Variants in VGLL4 observed in about 807,000 individuals in gnomAD.
VGLL4 encodes the protein vestigial like family member 4.
In VGLL4, 7 loss-of-function variants were observed where a neutral mutation model predicts 21.0. That is an observed-to-expected ratio of 0.33 (90% CI 0.19 to 0.63). The LOEUF (loss-of-function observed/expected upper bound fraction) is 0.63, where lower values mean the gene tolerates loss of function less well. VGLL4 is among the 20% of genes least tolerant of loss of function. VGLL4 has a pLI of 0.78. For synonymous variants in VGLL4, 222 were observed against 173.2 expected, an observed-to-expected ratio of 1.28 and a Z score of -2.21; for missense variants, 394 against 425.7, an observed-to-expected ratio of 0.93 and a Z score of 0.66.
At chr3:11,650,718 A>AAC (rs10539636) in intron 2 of VGLL4, among the ~76,000 whole-genome samples, 6,397 of 147,592 alleles carry the variant, frequency 0.043, 154 homozygotes, top group Non-Finnish European at 0.054. Flanking sequence ...ACACATAGAA[A>AAC]ACACACACAC....
intron 1 of VGLL4, among the ~76,000 whole-genome samples, chr3:11,627,111 C>T (rs2075364245): frequency 6.6e-6 from 1 of 151,012 alleles, no homozygotes; most frequent in South Asian, 2.1e-4. Flanking sequence ...GTGGAACTGG[C>T]TTCAGAATGA....
intron 1 of VGLL4, chr3:11,610,175 C>T (rs967858045): frequency 2.6e-5 from 4 of 152,324 alleles, no homozygotes; most frequent in African/African-American, 9.7e-5. Context: ...GGACCCTGCT[C>T]CCAGATTCCA....
chr3:11,626,639 A>T (rs971311974), intron 1 of VGLL4: 1 of 260,020 alleles, frequency 3.8e-6, no homozygotes, highest in African/African-American at 2.2e-5. Context: ...CATTCTACAG[A>T]AAGCCACTTA....
intron 2 of VGLL4, among the ~76,000 whole-genome samples, chr3:11,570,972 T>C (rs1299944075): frequency 6.6e-6 from 1 of 152,176 alleles, no homozygotes; most frequent in African/African-American, 2.4e-5. Flanking sequence ...GCGTCACTCC[T>C]CTGTGCCAAT....
rs1228813940 is a variant in VGLL4, at chr3:11,709,435, T to TCAAAAAAAAAAAAAAA, written c.-13-6389_-13-6388insTTTTTTTTTTTTTTTG. Among the ~76,000 whole-genome samples, 24 of 108,856 alleles carry TCAAAAAAAAAAAAAAA rather than the reference T, an allele frequency of 2.2e-4. 1 individual carries two copies. The highest frequency in any genetic ancestry group is 8.0e-4 in the African/African-American group (24 of 29,892). 71.4% of individuals were successfully genotyped at this position (108,856 alleles called of 152,430 possible). On this transcript the variant is annotated intron_variant, in intron 1 of 5. Transcript: ENST00000273038. ...CCAGGGAACAGTGCAAGACTCCGTC[T>TCAAAAAAAAAAAAAAA]AAAAAAAAAAAAAAAAAAAAAAAAA...
chr3:11,609,399 G>A (rs755146666), intron 1 of VGLL4, among the ~76,000 whole-genome samples: 5 of 152,154 alleles, frequency 3.3e-5, no homozygotes, highest in Admixed American at 2.6e-4. Context: ...TTTGAGATTA[G>A]CTAATTATTA....
intron 1 of VGLL4, among the ~76,000 whole-genome samples, chr3:11,630,666 AT>A (rs1575473148): frequency 1.3e-5 from 2 of 152,312 alleles, no homozygotes; most frequent in East Asian, 1.9e-4. Flanking sequence ...AAATAAAAAA[AT>A]AAATAAAGAT....
chr3:11,568,564 G>A lies in VGLL4; in HGVS notation c.273-3545C>T, dbSNP rs1176705330. 1.3e-6 allele frequency: 2 copies of A among 1,553,724 alleles called. No homozygotes were observed. Among genetic ancestry groups the A allele is most frequent in the Admixed American group, 1.9e-5 (1 of 51,420 alleles). On this transcript the variant is annotated intron_variant, in intron 2 of 4. Coordinates refer to ENST00000430365, the MANE Select transcript of VGLL4 (RefSeq NM_001128219.3). This position sits in a 1 kb window ranked among gnomAD's most constrained non-coding sequence, Gnocchi z 5.9. ...TGAAAACAGCGAGAAAAGGCCTGGA[G>A]AACTGGCTGGTTAATTTTAGTAAAA...
chr3:11,661,615 G>A (rs1234443411), intron 2 of VGLL4, among the ~76,000 whole-genome samples: 1 of 152,020 alleles, frequency 6.6e-6, no homozygotes, highest in Non-Finnish European at 1.5e-5. Context: ...GGGACTACAG[G>A]TGTCCACCAC....
At chr3:11,598,938 A>G (rs1372487266) in intron 2 of VGLL4, among the ~76,000 whole-genome samples, 1 of 152,274 alleles carries the variant, frequency 6.6e-6, no homozygotes, top group Non-Finnish European at 1.5e-5. Context: ...AAAGAGATAC[A>G]CTAGGCTATT....
At chr3:11,635,170 G>A (rs2075562770) in intron 1 of VGLL4, among the ~76,000 whole-genome samples, 1 of 152,210 alleles carries the variant, frequency 6.6e-6, no homozygotes, top group African/African-American at 2.4e-5. Flanking sequence ...AAGAGGGAAA[G>A]GGCAGAAAGG....
At chr3:11,656,530 T>C (rs1225249421) in intron 2 of VGLL4, among the ~76,000 whole-genome samples, 2 of 152,188 alleles carry the variant, frequency 1.3e-5, no homozygotes, top group Non-Finnish European at 2.9e-5. Context: ...CTGCTGTGGC[T>C]AAGCCCTCAA....
At position 11,568,619 on chromosome 3, in the gene VGLL4, T is replaced by A; in HGVS notation, c.273-3600A>T. 6.4e-7 allele frequency: 1 copy of A among 1,569,688 alleles called. No homozygotes were observed. Among genetic ancestry groups the A allele is most frequent in the Non-Finnish European group, 8.7e-7 (1 of 1,155,586 alleles). On this transcript the variant is annotated intron_variant, in intron 2 of 4. Transcript: ENST00000430365. The surrounding 1 kb of genome is among the most constrained non-coding windows in gnomAD (Gnocchi z 5.9). Reference sequence around the variant, plus strand: ...ACATTACTCACATTTCCAGCTCATTTTCCTGGTTCCCGGAGCTTCAAGACA... The same window carrying A: ...ACATTACTCACATTTCCAGCTCATTATCCTGGTTCCCGGAGCTTCAAGACA...
intron 1 of VGLL4, among the ~76,000 whole-genome samples, chr3:11,613,339 T>A (rs969458512): frequency 1.3e-5 from 2 of 152,070 alleles, no homozygotes; most frequent in South Asian, 2.1e-4. Flanking sequence ...GGCCCTGAGA[T>A]GGTTGAGTCC....
At chr3:11,562,440 C>T (rs1161580707) in intron 3 of VGLL4, among the ~76,000 whole-genome samples, 3 of 152,198 alleles carry the variant, frequency 2.0e-5, no homozygotes, top group African/African-American at 7.2e-5. Context: ...CTGCAGCATG[C>T]GTCCTGCCTG....
At position 11,620,382 on chromosome 3, in the gene VGLL4, G is replaced by A. The variant is rs563608990; in HGVS notation, c.83-18360C>T. Among the ~76,000 whole-genome samples the A allele has an allele frequency of 6.6e-5, 10 of 152,264 alleles. No individual in the cohort carries two copies. In the South Asian group the frequency reaches 1.7e-3, roughly 25 times the overall value. On this transcript the variant is annotated intron_variant, in intron 1 of 4. Coordinates refer to ENST00000430365, the MANE Select transcript of VGLL4 (RefSeq NM_001128219.3). ...TCCTGCAAGGTCGGCACAGCCTGAG[G>A]GGGCAACAGCACAGCACCCCTGAGC...
chr3:11,708,555 A>T (rs749800231), intron 1 of VGLL4, among the ~76,000 whole-genome samples: 36 of 151,846 alleles, frequency 2.4e-4, no homozygotes, highest in Non-Finnish European at 4.3e-4. Context: ...TGCAACACCG[A>T]TATTTTATTT....
At chr3:11,592,381 G>GCC (rs2074520530) in intron 2 of VGLL4, among the ~76,000 whole-genome samples, 1 of 152,124 alleles carries the variant, frequency 6.6e-6, no homozygotes, top group Admixed American at 6.5e-5. Context: ...CTCATTTCAG[G>GCC]CCTCTTGGGG....
chr3:11,580,136 C>A (rs930367112), intron 2 of VGLL4, among the ~76,000 whole-genome samples: 2 of 152,238 alleles, frequency 1.3e-5, no homozygotes, highest in African/African-American at 4.8e-5. Context: ...ACTTTTTCCT[C>A]TTCCCAAACT....
Sources: allele counts gnomAD v4.1 joint callset (sites outside exome capture counted in the v4.1 genomes callset), GRCh38; gene constraint gnomAD v4.1.1; non-coding constraint Gnocchi (gnomAD v3.1); transcripts MANE v1.5; gene names NCBI Gene and HGNC (gene_info 2026-07-23, HGNC 2026-07-21).